TTC23L: variants seen among roughly 807,000 people sequenced by gnomAD.
TTC23L encodes tetratricopeptide repeat domain 23 like.
In TTC23L, 42 loss-of-function variants were observed where a neutral mutation model predicts 48.1. The ratio of observed to expected loss-of-function variants is 0.87; its 90% CI spans 0.68 to 1.13. The LOEUF (loss-of-function observed/expected upper bound fraction) is 1.13, where lower values mean the gene tolerates loss of function less well. TTC23L is among the 50% of genes most tolerant of loss of function. The probability of loss-of-function intolerance (pLI) is 0.00; values close to 1 mark genes in which losing one functional copy is unlikely to be tolerated. For synonymous variants in TTC23L, 159 were observed against 157.2 expected, an observed-to-expected ratio of 1.01 and a Z score of -0.09; for missense variants, 391 against 421.0, an observed-to-expected ratio of 0.93 and a Z score of 0.62.
chr5:34,914,834 C>G, the TTC23L span: 1 of 1,614,184 alleles, frequency 6.2e-7, no homozygotes, highest in Non-Finnish European at 8.5e-7. Context: ...GTTGTCAAGG[C>G]TGGCCACAAG....
chr5:34,840,688 T>A, exon 2 of TTC23L: 1 of 1,613,914 alleles, frequency 6.2e-7, no homozygotes, highest in Non-Finnish European at 8.5e-7. Context: ...GCCAGCCCCA[T>A]CCGTATCCCA....
the TTC23L span, chr5:34,915,853 G>T: frequency 2.6e-6 from 4 of 1,566,080 alleles, no homozygotes; most frequent in Non-Finnish European, 8.7e-7. Flanking sequence ...AGCAGAGGAG[G>T]TGGAGGAAGA....
At chr5:34,915,647 T>C in the TTC23L span, 1 of 1,425,366 alleles carries the variant, frequency 7.0e-7, no homozygotes, top group Non-Finnish European at 9.3e-7. Context: ...ACCGCGGAGC[T>C]GAGCGCTTAG....
chr5:34,852,164 C>T (rs1034424271), intron 4 of TTC23L, among the ~76,000 whole-genome samples: 4 of 152,126 alleles, frequency 2.6e-5, no homozygotes, highest in Non-Finnish European at 5.9e-5. Context: ...GGATTACAGG[C>T]GTGAGCCATG....
Position 34,865,500 on chromosome 5 carries a change from G to C in TTC23L, c.662+938G>C, listed in dbSNP as rs373259961. Among the ~76,000 whole-genome samples the C allele has an allele frequency of 2.3e-4, 35 of 152,296 alleles. No individual in the cohort carries two copies. In the East Asian group the frequency reaches 2.5e-3, roughly 11 times the overall value. ...TAAAGTTTTTCTGCCTTATGTGAAAGATAGTCTTATTCTTTTTTCAGAAAA... is the reference window on the plus strand; with the variant it reads ...TAAAGTTTTTCTGCCTTATGTGAAACATAGTCTTATTCTTTTTTCAGAAAA... On this transcript the variant is annotated intron_variant, in intron 6 of 10. Transcript: ENST00000505624.
chr5:34,858,588 CTTT>C (rs1378440916), intron 4 of TTC23L, among the ~76,000 whole-genome samples: 1 of 151,818 alleles, frequency 6.6e-6, no homozygotes, highest in Non-Finnish European at 1.5e-5. Context: ...CAATCAATTA[CTTT>C]TTATACATGT....
chr5:34,923,110 C>G, the TTC23L span: 1 of 1,594,794 alleles, frequency 6.3e-7, no homozygotes, highest in Non-Finnish European at 8.6e-7. Context: ...GAATAAGGAA[C>G]TAACATACAC....
chr5:34,896,716 T>C, intron 9 of TTC23L, 54 bp from the exon 10 acceptor site: 1 of 758,872 alleles, frequency 1.3e-6, no homozygotes. Flanking sequence ...AGACAATCTA[T>C]GAGAATTGGA....
chr5:34,892,399 T>A (rs1762927822), intron 9 of TTC23L, among the ~76,000 whole-genome samples: 1 of 152,182 alleles, frequency 6.6e-6, no homozygotes, highest in African/African-American at 2.4e-5. Flanking sequence ...AGAAAGGGCA[T>A]ACAAAAATCT....
At chr5:34,894,249 ATC>A (rs1301081536) in intron 9 of TTC23L, among the ~76,000 whole-genome samples, 1 of 152,178 alleles carries the variant, frequency 6.6e-6, no homozygotes, top group African/African-American at 2.4e-5. Flanking sequence ...ACATAAATAT[ATC>A]TTTTAGATTT....
chr5:34,918,227 C>T, the TTC23L span: 1 of 499,950 alleles, frequency 2.0e-6, no homozygotes, highest in South Asian at 3.2e-5. Context: ...GGGAGGATCA[C>T]TTACTTGAGC....
intron 8 of TTC23L, among the ~76,000 whole-genome samples, chr5:34,876,968 C>G (rs574743206): frequency 5.9e-5 from 9 of 151,644 alleles, no homozygotes; most frequent in African/African-American, 2.2e-4. Flanking sequence ...CACATGTACC[C>G]CAGAACTTAA....
chr5:34,845,863 T>G, intron 3 of TTC23L, 190 bp downstream of exon 3: 1 of 618,072 alleles, frequency 1.6e-6, no homozygotes, highest in Non-Finnish European at 2.7e-6. Context: ...GCATGGTTCA[T>G]TGTCTGTTCC....
the TTC23L span, among the ~76,000 whole-genome samples, chr5:34,909,763 T>TA: frequency 6.6e-6 from 1 of 152,196 alleles, no homozygotes; most frequent in East Asian, 1.9e-4. Flanking sequence ...TTCTGTATCT[T>TA]AGACTGCTCT....
At chr5:34,876,535 T>A (rs1019582573) in intron 8 of TTC23L, among the ~76,000 whole-genome samples, 1 of 152,210 alleles carries the variant, frequency 6.6e-6, no homozygotes, top group African/African-American at 2.4e-5. Context: ...TCATGAAAGA[T>A]ACAATCTGCC....
chr5:34,845,991 T>G (rs1331016159), intron 3 of TTC23L, among the ~76,000 whole-genome samples: 1 of 151,950 alleles, frequency 6.6e-6, no homozygotes, highest in Non-Finnish European at 1.5e-5. Flanking sequence ...GAGGCCAGCG[T>G]GAGTAACATA....
chr5:34,895,053 C>T (rs2111841959), intron 9 of TTC23L, among the ~76,000 whole-genome samples: 1 of 152,294 alleles, frequency 6.6e-6, no homozygotes, highest in East Asian at 1.9e-4. Flanking sequence ...TAGAGAAGAC[C>T]TTTGAGATTA....
intron 3 of TTC23L, among the ~76,000 whole-genome samples, chr5:34,847,056 A>G (rs1759265537): frequency 1.3e-5 from 2 of 152,168 alleles, no homozygotes; most frequent in African/African-American, 4.8e-5. Context: ...CTGCTTCCAG[A>G]GCATGATTTA....
At chr5:34,911,640 T>C in the TTC23L span, 3 of 1,614,180 alleles carry the variant, frequency 1.9e-6, no homozygotes, top group Admixed American at 1.7e-5. Context: ...GGAGCCCCTC[T>C]GACTGCAGAA....
Sources: gnomAD v4.1 joint callset for allele counts (sites outside exome capture counted in the v4.1 genomes callset) on GRCh38, gnomAD v4.1.1 for gene constraint, MANE v1.5 for transcripts, NCBI Gene and HGNC (gene_info 2026-07-23, HGNC 2026-07-21) for gene names.